The following RPS6KC1 variants were observed in gnomAD, a reference collection of about 807,000 sequenced individuals.
RPS6KC1 encodes inactive ribosomal protein S6 kinase delta-1.
Under a neutral mutation model 103.8 loss-of-function variants are expected in RPS6KC1, and 54 were observed. The ratio of observed to expected loss-of-function variants is 0.52; its 90% confidence interval spans 0.42 to 0.65. The LOEUF (loss-of-function observed/expected upper bound fraction) is 0.65, where lower values mean the gene tolerates loss of function less well. Ranked by LOEUF, RPS6KC1 falls within the 30% of genes least tolerant of loss-of-function variation. The probability of loss-of-function intolerance (pLI) is 0.00; values close to 1 mark genes in which losing one functional copy is unlikely to be tolerated. For missense variants in RPS6KC1, 1,151 were observed against 1,253.8 expected, an observed-to-expected ratio of 0.92 and a Z score of 1.24; for synonymous variants, 439 against 438.7, an observed-to-expected ratio of 1.00 and a Z score of -0.01.
chr1:213,351,802 GGTGGCATCACTTTTGTGAGTCCTCT>G, the RPS6KC1 span, among the ~76,000 whole-genome samples: 3 of 152,062 alleles, frequency 2.0e-5, no homozygotes, highest in African/African-American at 7.2e-5. Flanking sequence ...TATTTTGGGA[GGTGGCATCACTTTTGTGAGTCCTCT>G]TAGCCATGTA....
chr1:213,065,196 C>T (rs1487740642), intron 1 of RPS6KC1, among the ~76,000 whole-genome samples: 1 of 132,166 alleles, frequency 7.6e-6, no homozygotes, highest in Non-Finnish European at 1.6e-5. Context: ...AGGCTGGTCT[C>T]GAACTCCTGA....
At chr1:213,200,508 G>A (rs991478015) in intron 8 of RPS6KC1, among the ~76,000 whole-genome samples, 1 of 152,108 alleles carries the variant, frequency 6.6e-6, no homozygotes, top group African/African-American at 2.4e-5. Context: ...AGACTAAAAT[G>A]TAAAATACAA....
the RPS6KC1 span, among the ~76,000 whole-genome samples, chr1:213,361,883 T>C: frequency 1.3e-5 from 2 of 152,150 alleles, no homozygotes; most frequent in South Asian, 4.1e-4. Context: ...GTTGTGGGTG[T>C]GGATGTGTCT....
chr1:213,069,294 G>GTT (rs1218415052), intron 1 of RPS6KC1, among the ~76,000 whole-genome samples: 1 of 152,178 alleles, frequency 6.6e-6, no homozygotes, highest in Admixed American at 6.5e-5. Flanking sequence ...TATTCTGAAA[G>GTT]TTGGAGAATA....
chr1:213,685,139 G>C, the RPS6KC1 span, among the ~76,000 whole-genome samples: 1 of 152,224 alleles, frequency 6.6e-6, no homozygotes, highest in Admixed American at 6.5e-5. Context: ...TTACATGCTT[G>C]AGTCTTCTTC....
chr1:213,137,777 C>CTCTCTCTCTA (rs1387641875), intron 6 of RPS6KC1, among the ~76,000 whole-genome samples: 15 of 63,590 alleles, frequency 2.4e-4, no homozygotes, highest in African/African-American at 7.4e-4. Flanking sequence ...CTCTCTCTCT[C>CTCTCTCTCTA]TATATATATA....
intron 6 of RPS6KC1, among the ~76,000 whole-genome samples, chr1:213,159,813 A>G (rs548838867): frequency 8.5e-5 from 13 of 152,308 alleles, no homozygotes; most frequent in African/African-American, 2.9e-4. Context: ...ATCTGTAGCA[A>G]TACAGTTTAA....
At chr1:213,505,200 A>T in the RPS6KC1 span, among the ~76,000 whole-genome samples, 1 of 152,274 alleles carries the variant, frequency 6.6e-6, no homozygotes, top group Middle Eastern at 3.4e-3. Context: ...TTCAGGACTG[A>T]TTCCAGCTAT....
chr1:213,557,691 C>T, the RPS6KC1 span, among the ~76,000 whole-genome samples: 1 of 152,150 alleles, frequency 6.6e-6, no homozygotes, highest in Non-Finnish European at 1.5e-5. Flanking sequence ...TCCATTTGTA[C>T]TGTGGCTGAG....
At chr1:213,841,608 C>G in the RPS6KC1 span, among the ~76,000 whole-genome samples, 1 of 152,178 alleles carries the variant, frequency 6.6e-6, no homozygotes, top group Admixed American at 6.5e-5. Context: ...CCCCCAATCC[C>G]CACCATTGCC....
intron 12 of RPS6KC1, among the ~76,000 whole-genome samples, chr1:213,248,559 G>A (rs546161574): frequency 1.8e-4 from 28 of 152,156 alleles, no homozygotes; most frequent in African/African-American, 6.3e-4. Context: ...AACTTGTAAC[G>A]TGAGTTTAGA....
intron 14 of RPS6KC1, among the ~76,000 whole-genome samples, chr1:213,272,233 T>C (rs1240874520): frequency 1.3e-5 from 2 of 152,190 alleles, no homozygotes; most frequent in Admixed American, 6.5e-5. Flanking sequence ...AGGAAATTGA[T>C]AGGTATAACT....
chr1:213,195,133 G>A (rs1336809005), intron 8 of RPS6KC1, among the ~76,000 whole-genome samples: 1 of 152,064 alleles, frequency 6.6e-6, no homozygotes, highest in Non-Finnish European at 1.5e-5. Context: ...TGTCCCTTTT[G>A]GAGAAAAGGC....
chr1:213,188,856 A>AT (rs1295688133), intron 8 of RPS6KC1, among the ~76,000 whole-genome samples: 2 of 151,516 alleles, frequency 1.3e-5, no homozygotes, highest in African/African-American at 4.8e-5. Flanking sequence ...TTAAATGTAA[A>AT]TATAGACCCG....
the RPS6KC1 span, among the ~76,000 whole-genome samples, chr1:213,363,736 TTCTC>T: frequency 1.5e-5 from 2 of 130,086 alleles, no homozygotes; most frequent in Non-Finnish European, 1.7e-5. Context: ...CGTTCTTTCT[TTCTC>T]TCTTCTTTCT....
chr1:213,189,613 G>A (rs754693775), intron 8 of RPS6KC1, among the ~76,000 whole-genome samples: 3 of 151,924 alleles, frequency 2.0e-5, no homozygotes, highest in Non-Finnish European at 2.9e-5. Flanking sequence ...AAGGGAGATG[G>A]GTATCCATGC....
chr1:213,179,033 T>C (rs1262718853), intron 8 of RPS6KC1, among the ~76,000 whole-genome samples: 1 of 151,976 alleles, frequency 6.6e-6, no homozygotes, highest in Non-Finnish European at 1.5e-5. Context: ...CTTTTCTTAG[T>C]AGAGATAAGG....
the RPS6KC1 span, among the ~76,000 whole-genome samples, chr1:213,739,647 A>G: frequency 6.6e-6 from 1 of 152,022 alleles, no homozygotes; most frequent in Non-Finnish European, 1.5e-5. Flanking sequence ...ACCTTTTAGA[A>G]AAAAGCAGAA....
the RPS6KC1 span, among the ~76,000 whole-genome samples, chr1:213,699,119 C>T: frequency 1.5e-4 from 23 of 152,108 alleles, no homozygotes; most frequent in South Asian, 2.1e-3. Flanking sequence ...TATAGTTATC[C>T]GGTTGTGCTA....
Sources: gnomAD v4.1 joint callset for allele counts (sites outside exome capture counted in the v4.1 genomes callset) on GRCh38, gnomAD v4.1.1 for gene constraint, MANE v1.5 for transcripts, NCBI Gene and HGNC (gene_info 2026-07-23, HGNC 2026-07-21) for gene names.